Variants in FBN1 observed in about 807,000 individuals in gnomAD.
The protein encoded by FBN1 is fibrillin 1.
In FBN1, 29 loss-of-function variants were observed where a neutral mutation model predicts 365.1. That is an observed-to-expected ratio of 0.08 (90% CI 0.06 to 0.11). FBN1 has a LOEUF of 0.11. Among genes scored for constraint, FBN1 ranks in the 10% least tolerant of loss-of-function variants. FBN1 has a pLI of 1.00. For missense variants in FBN1, 2,476 were observed against 3,703.2 expected (o/e 0.67, Z 8.60); for synonymous variants, 1,210 against 1,270.5 (o/e 0.95, Z 1.01).
rs1283661557 is a variant in FBN1, at chr15:48,410,717, A to G, written c.*273T>C. On this transcript the variant is annotated 3_prime_UTR_variant, in exon 66 of 66. Coordinates refer to ENST00000316623, the MANE Select transcript of FBN1 (RefSeq NM_000138.5). ...GATGGCATGTCAGCATAAATGGCCAACCCCCAATGGAAATACACGTCCCAG... is the reference window on the plus strand; with the variant it reads ...GATGGCATGTCAGCATAAATGGCCAGCCCCCAATGGAAATACACGTCCCAG... 1 of 422,268 alleles carries G rather than the reference A, an allele frequency of 2.4e-6. No homozygotes were observed. Among genetic ancestry groups the G allele is most frequent in the African/African-American group, 2.0e-5 (1 of 49,140 alleles). The allele number at this position is 422,268 out of a possible 1,614,324, so 26.2% of individuals were successfully genotyped here.
chr15:48,544,019 A>G (rs569373584), intron 6 of FBN1, among the ~76,000 whole-genome samples: 1 of 152,214 alleles, frequency 6.6e-6, no homozygotes, highest in African/African-American at 2.4e-5. Context: ...GAGAGCTATT[A>G]TGTGTATAAA....
intron 5 of FBN1, among the ~76,000 whole-genome samples, chr15:48,597,798 A>C (rs535305302): frequency 6.6e-6 from 1 of 152,330 alleles, no homozygotes; most frequent in African/African-American, 2.4e-5. Flanking sequence ...AAGAGCTTCT[A>C]AACAGAAAAG....
At chr15:48,463,861 G>A (rs1481195499) in intron 41 of FBN1, 38 bp downstream of exon 41, 11 of 1,578,522 alleles carry the variant, frequency 7.0e-6, no homozygotes, top group Non-Finnish European at 6.9e-6. Flanking sequence ...TTGTAGATGA[G>A]AACCAAACAT....
intron 38 of FBN1, among the ~76,000 whole-genome samples, chr15:48,467,519 A>G (rs867276478): frequency 1.3e-5 from 2 of 152,172 alleles, no homozygotes; most frequent in South Asian, 4.1e-4. Flanking sequence ...CCCCATAACA[A>G]TGGAATAATC....
At chr15:48,569,090 A>G (rs11854943) in intron 6 of FBN1, among the ~76,000 whole-genome samples, 1 of 152,000 alleles carries the variant, frequency 6.6e-6, no homozygotes, top group African/African-American at 2.4e-5. Flanking sequence ...CCAATATCTG[A>G]TAAAGAACTT....
chr15:48,615,998 T>A (rs1021119396), intron 2 of FBN1, among the ~76,000 whole-genome samples: 5 of 152,358 alleles, frequency 3.3e-5, no homozygotes, highest in Admixed American at 2.0e-4. Flanking sequence ...CTGTTCATTT[T>A]AAAATATACG....
intron 65 of FBN1, 27 bp from the exon 66 acceptor site, chr15:48,411,406 A>C (rs756239867): frequency 1.2e-6 from 2 of 1,607,548 alleles, no homozygotes; most frequent in African/African-American, 2.7e-5. Flanking sequence ...CAATATGTTA[A>C]ATACAATGTA....
intron 34 of FBN1, 80 bp from the exon 35 acceptor site, chr15:48,472,756 C>T: frequency 6.3e-7 from 1 of 1,597,526 alleles, no homozygotes; most frequent in South Asian, 1.1e-5. Context: ...CTTTCCAGTG[C>T]AGCAATGTTT....
chr15:48,584,238 T>C (rs1056028957), intron 6 of FBN1, among the ~76,000 whole-genome samples: 2 of 152,104 alleles, frequency 1.3e-5, no homozygotes, highest in African/African-American at 4.8e-5. Flanking sequence ...TTACCCTCAT[T>C]GTATAGATTA....
At chr15:48,634,711 T>C (rs1414602318) in intron 2 of FBN1, among the ~76,000 whole-genome samples, 1 of 151,810 alleles carries the variant, frequency 6.6e-6, no homozygotes, top group African/African-American at 2.4e-5. Flanking sequence ...CCCTATTTTA[T>C]TTGCAGCACA....
At chr15:48,644,369 C>T in intron 2 of FBN1, 3 of 616,066 alleles carry the variant, frequency 4.9e-6, no homozygotes, top group Non-Finnish European at 8.6e-6. Flanking sequence ...AAATCTGCCT[C>T]AACAATGGCC....
intron 6 of FBN1, among the ~76,000 whole-genome samples, chr15:48,550,439 C>T (rs1029761221): frequency 5.3e-5 from 8 of 152,160 alleles, no homozygotes. Flanking sequence ...CACCTAATCA[C>T]CCGCAAACTT....
intron 5 of FBN1, among the ~76,000 whole-genome samples, chr15:48,597,762 CTCTTGATTTATAG>C (rs1412734306): frequency 2.0e-5 from 3 of 152,308 alleles, no homozygotes; most frequent in African/African-American, 7.2e-5. Context: ...TCTTCTTTGC[CTCTTGATTTATAG>C]TCAGGGAGAA....
In FBN1 at chr15:48,488,153, T is replaced by C. The variant is rs1555398626; in HGVS notation, c.3297A>G (p.Glu1099=). 1 of 1,614,216 alleles carries C rather than the reference T, an allele frequency of 6.2e-7. No individual in the cohort carries two copies. Among genetic ancestry groups the C allele is most frequent in the Non-Finnish European group, 8.5e-7 (1 of 1,180,040 alleles). Residue 1099 remains glutamate (E), a synonymous_variant, in exon 27 of 66, where the codon GAA becomes GAG. Coordinates refer to ENST00000316623, the MANE Select transcript of FBN1 (RefSeq NM_000138.5). The part of the protein sequence containing the change: ...TPGDFECKCD[E]GYESGFMMMK... ...TCATCATGAATCCACTTTCATAGCC[T>C]TCGTCACACTTGCATTCAAAGTCCC...
intron 45 of FBN1, 111 bp downstream of exon 45, chr15:48,452,451 C>G: frequency 2.3e-6 from 3 of 1,307,662 alleles, no homozygotes; most frequent in Non-Finnish European, 3.3e-6. Flanking sequence ...CAATCTAAAT[C>G]TTAACTCATA....
intron 8 of FBN1, chr15:48,529,237 G>C (rs533597466): frequency 2.6e-5 from 4 of 152,480 alleles, no homozygotes; most frequent in Non-Finnish European, 5.9e-5. Flanking sequence ...CAGAAAAGGA[G>C]GCAGAGCTGC....
intron 7 of FBN1, among the ~76,000 whole-genome samples, chr15:48,536,243 G>C (rs1042820128): frequency 2.0e-5 from 3 of 152,036 alleles, no homozygotes; most frequent in Non-Finnish European, 4.4e-5. Context: ...TTTTTTCTTG[G>C]ATGTTGAATA....
intron 64 of FBN1, among the ~76,000 whole-genome samples, chr15:48,414,064 C>G (rs1009897104): frequency 6.6e-6 from 1 of 152,200 alleles, no homozygotes; most frequent in African/African-American, 2.4e-5. Flanking sequence ...GCTTTGGTTC[C>G]TTTCTCAGAA....
At chr15:48,491,621 G>A (rs1174239303) in intron 24 of FBN1, among the ~76,000 whole-genome samples, 1 of 152,150 alleles carries the variant, frequency 6.6e-6, no homozygotes, top group East Asian at 1.9e-4. Context: ...GAAGTGCTGG[G>A]ATTACAGGCG....
Sources: allele counts gnomAD v4.1 joint callset (sites outside exome capture counted in the v4.1 genomes callset), GRCh38; gene constraint gnomAD v4.1.1; transcripts MANE v1.5; gene names NCBI Gene and HGNC (gene_info 2026-07-23, HGNC 2026-07-21).